Variants in CACHD1 observed in about 807,000 individuals in gnomAD.
CACHD1 encodes the protein cache domain containing 1, also known as VWFA and cache domain-containing protein 1.
In CACHD1, 71 loss-of-function variants were observed where a neutral mutation model predicts 138.7. The observed-to-expected ratio is 0.51, with a 90% CI of 0.42 to 0.62. CACHD1 has a LOEUF of 0.62. Among genes scored for constraint, CACHD1 ranks in the 20% least tolerant of loss-of-function variants. The pLI is 0.00. For synonymous variants in CACHD1, 578 were observed against 591.5 expected, an observed-to-expected ratio of 0.98 and a Z score of 0.33; for missense variants, 1,389 against 1,625.3, an observed-to-expected ratio of 0.85 and a Z score of 2.50.
chr1:64,691,085 C>T (rs1650536658), intron 26 of CACHD1, among the ~76,000 whole-genome samples: 1 of 151,544 alleles, frequency 6.6e-6, no homozygotes, highest in Non-Finnish European at 1.5e-5. Flanking sequence ...TCTGTACTTT[C>T]TCAGCTGTCT....
intron 8 of CACHD1, among the ~76,000 whole-genome samples, chr1:64,642,484 T>C (rs1170962198): frequency 6.6e-6 from 1 of 152,210 alleles, no homozygotes; most frequent in Non-Finnish European, 1.5e-5. Flanking sequence ...TTGTGAGGAT[T>C]AGCCTTAATG....
At chr1:64,489,476 T>C (rs567719413) in intron 1 of CACHD1, among the ~76,000 whole-genome samples, 5 of 152,168 alleles carry the variant, frequency 3.3e-5, no homozygotes, top group Admixed American at 6.5e-5. Flanking sequence ...TCAGAGTCTG[T>C]TGTCTGGAAC....
At chr1:64,686,280 C>T (rs1020559410) in intron 26 of CACHD1, among the ~76,000 whole-genome samples, 11 of 152,130 alleles carry the variant, frequency 7.2e-5, no homozygotes, top group African/African-American at 2.2e-4. Flanking sequence ...ACAACGGCCT[C>T]GGCTCTCATG....
chr1:64,630,425 C>T (rs1570432770), intron 5 of CACHD1, among the ~76,000 whole-genome samples: 1 of 152,074 alleles, frequency 6.6e-6, no homozygotes. Flanking sequence ...CTCAGCCTGC[C>T]GAGTACCTGG....
intron 2 of CACHD1, among the ~76,000 whole-genome samples, chr1:64,571,651 G>A (rs771585290): frequency 2.6e-5 from 4 of 152,100 alleles, no homozygotes; most frequent in Non-Finnish European, 5.9e-5. Context: ...GCTAATTGAC[G>A]CTTGCTGGCA....
At chr1:64,484,105 T>A (rs748904994) in intron 1 of CACHD1, among the ~76,000 whole-genome samples, 1 of 152,068 alleles carries the variant, frequency 6.6e-6, no homozygotes. Flanking sequence ...TATATTCCTG[T>A]AGAATGGTGC....
intron 4 of CACHD1, among the ~76,000 whole-genome samples, chr1:64,622,581 GAATACTC>G (rs1460702578): frequency 6.6e-6 from 1 of 152,116 alleles, no homozygotes; most frequent in Non-Finnish European, 1.5e-5. Flanking sequence ...TGCCTCTCAA[GAATACTC>G]AGTAAGTTTT....
chr1:64,634,626 C>A (rs1164813258), intron 7 of CACHD1, among the ~76,000 whole-genome samples: 1 of 152,066 alleles, frequency 6.6e-6, no homozygotes, highest in Non-Finnish European at 1.5e-5. Context: ...CTCAAGCAAT[C>A]CACCTGCCTT....
intron 16 of CACHD1, among the ~76,000 whole-genome samples, chr1:64,670,868 C>T (rs1464561356): frequency 6.6e-6 from 1 of 152,132 alleles, no homozygotes; most frequent in African/African-American, 2.4e-5. Flanking sequence ...ATATAGAAAG[C>T]AACAGGGCCA....
At chr1:64,474,618 C>T (rs1178401773) in intron 1 of CACHD1, among the ~76,000 whole-genome samples, 1 of 152,220 alleles carries the variant, frequency 6.6e-6, no homozygotes, top group Non-Finnish European at 1.5e-5. Flanking sequence ...TTTACAAGGA[C>T]GTATTCCAGC....
At chr1:64,676,216 A>T (rs562484367) in intron 21 of CACHD1, among the ~76,000 whole-genome samples, 1 of 152,172 alleles carries the variant, frequency 6.6e-6, no homozygotes, top group Non-Finnish European at 1.5e-5. Context: ...TTAAGAGTGT[A>T]TGTGCTACAT....
chr1:64,673,685 G>A (rs1649894469), intron 19 of CACHD1, among the ~76,000 whole-genome samples: 1 of 152,150 alleles, frequency 6.6e-6, no homozygotes, highest in South Asian at 2.1e-4. Context: ...CTCTCAGTTG[G>A]TATTTTGTTT....
chr1:64,497,516 A>C (rs1435075452), intron 1 of CACHD1, among the ~76,000 whole-genome samples: 2 of 152,206 alleles, frequency 1.3e-5, no homozygotes, highest in African/African-American at 2.4e-5. Context: ...TGTTGAAATT[A>C]ATGTGATGGT....
chr1:64,557,773 T>C (rs1054132368), intron 2 of CACHD1, among the ~76,000 whole-genome samples: 7 of 151,622 alleles, frequency 4.6e-5, no homozygotes, highest in Admixed American at 3.9e-4. Flanking sequence ...TCTTTTTCTT[T>C]TTCTCTTTTT....
At chr1:64,497,953 CTG>C (rs1465168275) in intron 1 of CACHD1, among the ~76,000 whole-genome samples, 3 of 152,120 alleles carry the variant, frequency 2.0e-5, no homozygotes, top group Non-Finnish European at 4.4e-5. Context: ...TGGTGAAACC[CTG>C]TCTCTACTGA....
chr1:64,605,336 A>G (rs1647305121), intron 4 of CACHD1, among the ~76,000 whole-genome samples: 3 of 152,328 alleles, frequency 2.0e-5, no homozygotes, highest in African/African-American at 7.2e-5. Context: ...AATAAGATCT[A>G]GATGGATCAC....
chr1:64,510,155 T>C (rs1646408592), intron 1 of CACHD1, among the ~76,000 whole-genome samples: 1 of 152,188 alleles, frequency 6.6e-6, no homozygotes, highest in South Asian at 2.1e-4. Context: ...ACCAGCTGCG[T>C]GAACCTGAGC....
chr1:64,572,363 A>G (rs1007076681), intron 2 of CACHD1, among the ~76,000 whole-genome samples: 8 of 152,032 alleles, frequency 5.3e-5, no homozygotes, highest in African/African-American at 1.4e-4. Context: ...CCTGTTACAG[A>G]GTGAAGTGAG....
chr1:64,602,835 C>G lies in CACHD1; in HGVS notation c.440C>G (p.Ser147Cys), dbSNP rs774620530. 1 of 1,613,052 alleles carries G rather than the reference C, an allele frequency of 6.2e-7. No individual in the cohort carries two copies. The highest frequency in any genetic ancestry group is 1.3e-5 in the African/African-American group (1 of 74,846). Residue 147 changes from serine to cysteine, a missense_variant, in exon 4 of 27, where the codon TCT becomes TGT. Physicochemically the swap from Ser to Cys is moderately radical, Grantham distance 112. Coordinates refer to ENST00000651257, the MANE Select transcript of CACHD1 (RefSeq NM_020925.4). ...EFDGNFNTNVSRTISCDRLST... is the reference protein window; with the variant it reads ...EFDGNFNTNVCRTISCDRLST... ...GATGGGAACTTTAATACCAATGTGT[C>G]TAGAACAATTAGTTGTGATCGACTT...
Sources: gnomAD v4.1 joint callset for allele counts (sites outside exome capture counted in the v4.1 genomes callset) on GRCh38, gnomAD v4.1.1 for gene constraint, MANE v1.5 for transcripts, NCBI Gene and HGNC (gene_info 2026-07-23, HGNC 2026-07-21) for gene names.